Variants in OSBPL3 observed in about 807,000 individuals in gnomAD.
The protein encoded by OSBPL3 is oxysterol binding protein like 3.
Under a neutral mutation model 120.1 loss-of-function variants are expected in OSBPL3, and 65 were observed. The ratio of observed to expected loss-of-function variants is 0.54; its 90% confidence interval spans 0.44 to 0.67. The LOEUF (loss-of-function observed/expected upper bound fraction) is 0.67. OSBPL3 is among the 30% of genes least tolerant of loss of function. The pLI is 0.00. For synonymous variants in OSBPL3, 416 were observed against 402.6 expected (o/e 1.03, Z -0.40); for missense variants, 1,004 against 1,082.1 (o/e 0.93, Z 1.01).
In OSBPL3 at chr7:24,827,057, AC is replaced by A. The variant is rs1795796315; in HGVS notation, c.1884+3710del. Among the ~76,000 whole-genome samples, 1 of 152,226 alleles carries A rather than the reference AC, an allele frequency of 6.6e-6. No individual in the cohort carries two copies. The highest frequency in any genetic ancestry group is 1.5e-5 in the Non-Finnish European group (1 of 68,046). Reference sequence around the variant, plus strand: ...TTGCCAGGTCCTTAAGCTTGGAGATACAATTTCCATCATTATCCTCCTTAGA... The same window carrying A: ...TTGCCAGGTCCTTAAGCTTGGAGATAAATTTCCATCATTATCCTCCTTAGA... On this transcript the variant is annotated intron_variant, in intron 16 of 22. Coordinates refer to ENST00000313367, the MANE Select transcript of OSBPL3 (RefSeq NM_015550.4). The surrounding 1 kb of genome is among the most constrained non-coding windows in gnomAD (Gnocchi z 5.1).
chr7:24,860,726 G>T (rs546856835), intron 10 of OSBPL3, among the ~76,000 whole-genome samples: 14 of 152,326 alleles, frequency 9.2e-5, no homozygotes, highest in African/African-American at 3.4e-4. Context: ...ACGTCCCTGA[G>T]ATCCATCCAA....
chr7:24,886,414 A>C (rs1406705529), intron 2 of OSBPL3, among the ~76,000 whole-genome samples: 1 of 152,232 alleles, frequency 6.6e-6, no homozygotes, highest in Non-Finnish European at 1.5e-5. Context: ...TTGCCAGAAT[A>C]AAATCAATGG....
chr7:24,901,012 C>T (rs1204346894), intron 1 of OSBPL3, among the ~76,000 whole-genome samples: 2 of 136,616 alleles, frequency 1.5e-5, no homozygotes, highest in African/African-American at 5.4e-5. Context: ...CAGAGCCAGA[C>T]CTTGTCTCGA....
In OSBPL3 at chr7:24,938,318, A is replaced by G. The variant is rs1812660528; in HGVS notation, c.-150+41568T>C. ...GCAGGCAGCCCTCACCAGACACTGAATCTGCCAGCACCTTGATCGTGGACT... is the reference window on the plus strand; with the variant it reads ...GCAGGCAGCCCTCACCAGACACTGAGTCTGCCAGCACCTTGATCGTGGACT... On this transcript the variant is annotated intron_variant, in intron 1 of 22. Transcript: ENST00000313367. The surrounding 1 kb of genome is among the most constrained non-coding windows in gnomAD (Gnocchi z 5.8). 6.6e-6 allele frequency among the ~76,000 whole-genome samples: 1 copy of G among 152,204 alleles called. No homozygotes were observed. Among genetic ancestry groups the G allele is most frequent in the Admixed American group, 6.5e-5 (1 of 15,284 alleles).
chr7:24,947,194 A>G lies in OSBPL3; in HGVS notation c.-150+32692T>C, dbSNP rs1459003971. Among the ~76,000 whole-genome samples the G allele has an allele frequency of 6.6e-6, 1 of 152,230 alleles. No individual in the cohort carries two copies. The highest frequency in any genetic ancestry group is 1.5e-5 in the Non-Finnish European group (1 of 68,028). ...GTTCTAAGATTCTAAGGTCCCTTCT[A>G]AGAAAGCCTTCTATAATTCCATAAC... On this transcript the variant is annotated intron_variant, in intron 1 of 22. Coordinates refer to ENST00000313367, the MANE Select transcript of OSBPL3 (RefSeq NM_015550.4). The surrounding 1 kb of genome is among the most constrained non-coding windows in gnomAD (Gnocchi z 4.4).
chr7:24,946,821 A>G lies in OSBPL3; in HGVS notation c.-150+33065T>C, dbSNP rs1175843110. On this transcript the variant is annotated intron_variant, in intron 1 of 22. Transcript: ENST00000313367. This position sits in a 1 kb window ranked among gnomAD's most constrained non-coding sequence, Gnocchi z 4.3. ...AGCAGGGATGTGTGGGAGAAAGAGA[A>G]AGAGGAGAGTGAGGAGAGAGAGAAA... 6.6e-6 allele frequency among the ~76,000 whole-genome samples: 1 copy of G among 152,204 alleles called. No homozygotes were observed. The highest frequency in any genetic ancestry group is 2.4e-5 in the African/African-American group (1 of 41,446).
At chr7:24,902,693 G>A (rs1172907102) in intron 1 of OSBPL3, among the ~76,000 whole-genome samples, 1 of 98,422 alleles carries the variant, frequency 1.0e-5, no homozygotes, top group Admixed American at 1.1e-4. Context: ...TCATTTACAA[G>A]AGAAAATAAA....
At chr7:24,895,604 T>C (rs544916186) in intron 1 of OSBPL3, among the ~76,000 whole-genome samples, 80 of 152,244 alleles carry the variant, frequency 5.3e-4, no homozygotes, top group Admixed American at 5.9e-4. Context: ...AGATGGTCAC[T>C]TGGATGGAGG....
At chr7:24,861,461 T>A in intron 10 of OSBPL3, 152 bp downstream of exon 10, 1 of 522,844 alleles carries the variant, frequency 1.9e-6, no homozygotes, top group East Asian at 3.1e-5. Context: ...CATTCTCCAC[T>A]ACTAGGGAAA....
In OSBPL3 at chr7:24,866,258, A is replaced by G. The variant is rs1801305752; in HGVS notation, c.382-21T>C. ...TTGACCTATAATATATTCGATTGAA[A>G]AAAGGAAACAAGAGAATCATTCACT... On this transcript the variant is annotated intron_variant, in intron 5 of 22. Coordinates refer to ENST00000313367, the MANE Select transcript of OSBPL3 (RefSeq NM_015550.4). 3.2e-6 allele frequency: 5 copies of G among 1,550,388 alleles called. No individual in the cohort carries two copies. In the East Asian group the frequency reaches 9.0e-5, roughly 28 times the overall value.
chr7:24,895,319 T>C (rs1348777666), intron 1 of OSBPL3, among the ~76,000 whole-genome samples: 1 of 152,210 alleles, frequency 6.6e-6, no homozygotes, highest in African/African-American at 2.4e-5. Flanking sequence ...CCTTACATTG[T>C]GTTACTGCTG....
At chr7:24,890,803 G>T (rs1328903811) in intron 2 of OSBPL3, among the ~76,000 whole-genome samples, 1 of 152,162 alleles carries the variant, frequency 6.6e-6, no homozygotes, top group South Asian at 2.1e-4. Context: ...TCAGAAAAAA[G>T]TTGAGGCATC....
intron 16 of OSBPL3, among the ~76,000 whole-genome samples, chr7:24,825,114 CAGCTGCTGCTTCTG>C: frequency 6.6e-6 from 1 of 152,290 alleles, no homozygotes; most frequent in South Asian, 2.1e-4. Flanking sequence ...GGATTTAGAG[CAGCTGCTGCTTCTG>C]TTTTAAGCAG....
rs555051068 is a variant in OSBPL3 at position 24,928,111 on chromosome 7, C to T, written c.-149-35490G>A. On this transcript the variant is annotated intron_variant, in intron 1 of 22. Transcript: ENST00000313367. Reference sequence around the variant, plus strand: ...TGTCTGCTCCCCCTTCGCCTTCTGCCATGATTGTAAGTTTCCTGAGGCCTC... The same window carrying T: ...TGTCTGCTCCCCCTTCGCCTTCTGCTATGATTGTAAGTTTCCTGAGGCCTC... Among the ~76,000 whole-genome samples the T allele has an allele frequency of 5.4e-4, 82 of 152,144 alleles. 1 individual carries two copies. The highest frequency in any genetic ancestry group is 1.0e-3 in the South Asian group (5 of 4,816).
chr7:24,923,529 G>C (rs1015566148), intron 1 of OSBPL3, among the ~76,000 whole-genome samples: 4 of 152,118 alleles, frequency 2.6e-5, no homozygotes, highest in African/African-American at 9.7e-5. Flanking sequence ...TTAACCATGA[G>C]CTGGGCAAGC....
At chr7:24,887,483 T>G (rs1804701423) in intron 2 of OSBPL3, among the ~76,000 whole-genome samples, 1 of 152,232 alleles carries the variant, frequency 6.6e-6, no homozygotes, top group Non-Finnish European at 1.5e-5. Flanking sequence ...TACAGAGGAC[T>G]TTTCTCCAAA....
At chr7:24,842,500 AG>A (rs1797904570) in intron 12 of OSBPL3, 87 bp from the exon 13 acceptor site, 2 of 1,002,344 alleles carry the variant, frequency 2.0e-6, no homozygotes, top group African/African-American at 1.6e-5. Context: ...ACAATACACA[AG>A]GTCACAGGCC....
rs1420644942 is a variant in OSBPL3, at chr7:24,808,903, C to T, written c.2317+904G>A. On this transcript the variant is annotated intron_variant, in intron 20 of 22. Transcript: ENST00000313367. This position sits in a 1 kb window ranked among gnomAD's most constrained non-coding sequence, Gnocchi z 4.6. ...AGAGAGGAAAGCTCTTTTGTCCTCT[C>T]ATTACATGCTTGGTATGCTGTCATG... 6.6e-6 allele frequency among the ~76,000 whole-genome samples: 1 copy of T among 152,158 alleles called. No homozygotes were observed. Among genetic ancestry groups the T allele is most frequent in the East Asian group, 1.9e-4 (1 of 5,194 alleles).
chr7:24,906,804 C>G (rs1014338129), intron 1 of OSBPL3, among the ~76,000 whole-genome samples: 1 of 152,084 alleles, frequency 6.6e-6, no homozygotes, highest in Non-Finnish European at 1.5e-5. Flanking sequence ...AGTTTTGTCC[C>G]TCATCCACTT....
Sources: allele counts gnomAD v4.1 joint callset (sites outside exome capture counted in the v4.1 genomes callset), GRCh38; gene constraint gnomAD v4.1.1; non-coding constraint Gnocchi (gnomAD v3.1); transcripts MANE v1.5; gene names NCBI Gene and HGNC (gene_info 2026-07-23, HGNC 2026-07-21).